The following HCN1 variants were observed in gnomAD, a reference collection of about 807,000 sequenced individuals.
HCN1 encodes the protein hyperpolarization activated cyclic nucleotide gated potassium channel 1.
Under a neutral mutation model 78.9 loss-of-function variants are expected in HCN1, and 13 were observed. The ratio of observed to expected loss-of-function variants is 0.16; its 90% confidence interval spans 0.11 to 0.26. The LOEUF is 0.26. Among genes scored for constraint, HCN1 ranks in the 10% least tolerant of loss-of-function variants. HCN1 has a pLI of 1.00. For synonymous variants in HCN1, 552 were observed against 455.5 expected, an observed-to-expected ratio of 1.21 and a Z score of -2.70; for missense variants, 810 against 1,154.3, an observed-to-expected ratio of 0.70 and a Z score of 4.32.
chr5:45,558,943 T>TTTG (rs1743537851), intron 2 of HCN1: 1 of 147,090 alleles, frequency 6.8e-6, no homozygotes, highest in African/African-American at 2.5e-5. Context: ...TTTTTTTTTT[T>TTTG]AGGGATGGGA....
intron 2 of HCN1, among the ~76,000 whole-genome samples, chr5:45,467,511 C>T (rs1320220240): frequency 6.6e-6 from 1 of 152,156 alleles, no homozygotes; most frequent in East Asian, 1.9e-4. Context: ...AAAATGTCAA[C>T]TTCTGATTAA....
At chr5:45,515,146 A>T (rs1316137561) in intron 2 of HCN1, among the ~76,000 whole-genome samples, 1 of 144,172 alleles carries the variant, frequency 6.9e-6, no homozygotes, top group Non-Finnish European at 1.5e-5. Flanking sequence ...AAGAAAAATC[A>T]CAGCTGATGT....
chr5:45,435,164 T>G (rs1320580573), intron 3 of HCN1, among the ~76,000 whole-genome samples: 1 of 152,080 alleles, frequency 6.6e-6, no homozygotes, highest in Non-Finnish European at 1.5e-5. Context: ...CTAATTTATA[T>G]ACTTATCATC....
chr5:45,508,842 C>T (rs2111751035), intron 2 of HCN1, among the ~76,000 whole-genome samples: 1 of 152,082 alleles, frequency 6.6e-6, no homozygotes, highest in Admixed American at 6.6e-5. Flanking sequence ...AAGTTGTGCC[C>T]AAGGGTTTGG....
At chr5:45,463,994 T>A (rs947327770) in intron 2 of HCN1, among the ~76,000 whole-genome samples, 1 of 152,096 alleles carries the variant, frequency 6.6e-6, no homozygotes, top group Non-Finnish European at 1.5e-5. Flanking sequence ...ATACAGGCAG[T>A]GGCCATCATT....
chr5:45,533,167 G>A (rs1455398464), intron 2 of HCN1, among the ~76,000 whole-genome samples: 1 of 152,152 alleles, frequency 6.6e-6, no homozygotes, highest in East Asian at 1.9e-4. Context: ...TGTGTATGGT[G>A]TGTTTGTTTT....
chr5:45,467,754 T>C (rs1292173124), intron 2 of HCN1, among the ~76,000 whole-genome samples: 1 of 152,116 alleles, frequency 6.6e-6, no homozygotes, highest in Non-Finnish European at 1.5e-5. Flanking sequence ...AAAGGAATAC[T>C]CTTATAGTTG....
chr5:45,329,961 C>T (rs750560697), intron 5 of HCN1, among the ~76,000 whole-genome samples: 1 of 151,228 alleles, frequency 6.6e-6, no homozygotes, highest in Non-Finnish European at 1.5e-5. Context: ...AGAGCAAAGA[C>T]CATCTTCTTT....
At chr5:45,345,491 CT>C (rs2111970762) in intron 5 of HCN1, among the ~76,000 whole-genome samples, 1 of 152,294 alleles carries the variant, frequency 6.6e-6, no homozygotes, top group East Asian at 1.9e-4. Flanking sequence ...GCTCTGTCAA[CT>C]TTTGAACACT....
chr5:45,606,305 G>C (rs1307410435), intron 2 of HCN1, among the ~76,000 whole-genome samples: 1 of 151,898 alleles, frequency 6.6e-6, no homozygotes, highest in Non-Finnish European at 1.5e-5. Flanking sequence ...ATTGTGTGTG[G>C]GGTAGGGGTG....
chr5:45,514,702 C>T (rs977791337), intron 2 of HCN1, among the ~76,000 whole-genome samples: 1 of 152,012 alleles, frequency 6.6e-6, no homozygotes, highest in African/African-American at 2.4e-5. Context: ...TCAGAATACA[C>T]CTACAGAGGA....
chr5:45,501,837 T>G (rs1742195769), intron 2 of HCN1, among the ~76,000 whole-genome samples: 1 of 152,146 alleles, frequency 6.6e-6, no homozygotes, highest in Admixed American at 6.6e-5. Flanking sequence ...ACGATTTCAT[T>G]ATTGGAATTG....
chr5:45,690,441 T>G (rs1288397609), intron 1 of HCN1, among the ~76,000 whole-genome samples: 1 of 152,068 alleles, frequency 6.6e-6, no homozygotes, highest in Admixed American at 6.5e-5. Context: ...CTATATATAT[T>G]CTTTACTTCT....
chr5:45,477,360 A>G (rs1741542449), intron 2 of HCN1, among the ~76,000 whole-genome samples: 1 of 152,184 alleles, frequency 6.6e-6, no homozygotes, highest in East Asian at 1.9e-4. Flanking sequence ...GTTTTTCTAC[A>G]GAAGAAATAT....
At chr5:45,431,292 GTT>G (rs1329040190) in intron 3 of HCN1, among the ~76,000 whole-genome samples, 2 of 152,054 alleles carry the variant, frequency 1.3e-5, no homozygotes, top group Middle Eastern at 3.4e-3. Context: ...TAATGGGGTT[GTT>G]TTTTTGCTTG....
intron 1 of HCN1, among the ~76,000 whole-genome samples, chr5:45,660,486 G>C (rs1171717030): frequency 2.0e-5 from 3 of 149,286 alleles, no homozygotes; most frequent in Admixed American, 1.3e-4. Flanking sequence ...ACTAAATTCT[G>C]CAATTAAAAA....
At chr5:45,404,614 AG>A in intron 3 of HCN1, among the ~76,000 whole-genome samples, 2 of 142,072 alleles carry the variant, frequency 1.4e-5, no homozygotes, top group East Asian at 4.3e-4. Context: ...AGCTTTCTAT[AG>A]GCTTGAATGA....
chr5:45,494,359 G>C (rs148097289), intron 2 of HCN1, among the ~76,000 whole-genome samples: 4 of 152,032 alleles, frequency 2.6e-5, no homozygotes, highest in African/African-American at 9.7e-5. Flanking sequence ...CAGTGATGGT[G>C]AGCATTTTTC....
chr5:45,682,948 A>G (rs933029026), intron 1 of HCN1, among the ~76,000 whole-genome samples: 3 of 152,070 alleles, frequency 2.0e-5, no homozygotes, highest in African/African-American at 7.2e-5. Flanking sequence ...TTACTACCCT[A>G]TACATTTTCA....
Sources: gnomAD v4.1 joint callset for allele counts (sites outside exome capture counted in the v4.1 genomes callset) on GRCh38, gnomAD v4.1.1 for gene constraint, MANE v1.5 for transcripts, NCBI Gene and HGNC (gene_info 2026-07-23, HGNC 2026-07-21) for gene names.